PHACTR1: variants seen among roughly 807,000 people sequenced by gnomAD.
The protein encoded by PHACTR1 is phosphatase and actin regulator 1, also known as RPEL repeat containing 1.
PHACTR1 carries 16 observed loss-of-function variants against 69.2 expected under a neutral mutation model. The ratio of observed to expected loss-of-function variants is 0.23; its 90% CI spans 0.16 to 0.35. The LOEUF is 0.35. Ranked by LOEUF, PHACTR1 falls within the 10% of genes least tolerant of loss-of-function variation. The pLI is 1.00. For missense variants in PHACTR1, 510 were observed against 734.7 expected, an observed-to-expected ratio of 0.69 and a Z score of 3.54; for synonymous variants, 312 against 284.5, an observed-to-expected ratio of 1.10 and a Z score of -0.97.
chr6:12,855,505 G>A (rs1006785692), intron 4 of PHACTR1, among the ~76,000 whole-genome samples: 6 of 152,134 alleles, frequency 3.9e-5, no homozygotes, highest in East Asian at 3.8e-4. Context: ...ATACTGATGC[G>A]GTTGGAGGCC....
At chr6:13,181,101 G>A (rs1762121310) in intron 6 of PHACTR1, among the ~76,000 whole-genome samples, 1 of 151,344 alleles carries the variant, frequency 6.6e-6, no homozygotes, top group Non-Finnish European at 1.5e-5. Context: ...AGAAGATTCA[G>A]GTCAAACACC....
chr6:13,019,069 TATATA>T (rs1561698250), intron 4 of PHACTR1, among the ~76,000 whole-genome samples: 9 of 127,536 alleles, frequency 7.1e-5, no homozygotes, highest in Non-Finnish European at 6.9e-5. Flanking sequence ...TATATATATA[TATATA>T]TTTTTTCTTT....
chr6:12,827,449 C>G (rs1776926865), intron 4 of PHACTR1, among the ~76,000 whole-genome samples: 1 of 152,186 alleles, frequency 6.6e-6, no homozygotes, highest in Non-Finnish European at 1.5e-5. Context: ...GCCATTCATT[C>G]TAACTTAAGT....
chr6:13,068,315 T>C (rs535516046), intron 5 of PHACTR1, among the ~76,000 whole-genome samples: 1 of 152,232 alleles, frequency 6.6e-6, no homozygotes, highest in South Asian at 2.1e-4. Context: ...AGACTCCACC[T>C]CAAAAACAAA....
chr6:13,071,769 C>T (rs892655610), intron 5 of PHACTR1, among the ~76,000 whole-genome samples: 4 of 152,158 alleles, frequency 2.6e-5, no homozygotes, highest in African/African-American at 9.7e-5. Context: ...GGTTTACCTT[C>T]TCTGAAAACC....
intron 5 of PHACTR1, among the ~76,000 whole-genome samples, chr6:13,088,081 G>A (rs1010597314): frequency 1.3e-5 from 2 of 152,044 alleles, no homozygotes; most frequent in African/African-American, 4.8e-5. Context: ...ATTTAACATA[G>A]TTCTTGAGGT....
intron 4 of PHACTR1, among the ~76,000 whole-genome samples, chr6:12,907,498 C>T (rs1403660039): frequency 6.6e-6 from 1 of 152,206 alleles, no homozygotes; most frequent in Admixed American, 6.5e-5. Context: ...CAAGGTAGAA[C>T]TACTTGTGGA....
chr6:13,169,244 G>A (rs79394879), intron 6 of PHACTR1, among the ~76,000 whole-genome samples: 3,372 of 152,208 alleles, frequency 0.022, 119 homozygotes, highest in African/African-American at 0.073. Flanking sequence ...CTGGGATCCC[G>A]AGAGAAGTGA....
At position 12,742,306 on chromosome 6, in the gene PHACTR1, T is replaced by C. The variant is rs369042470; in HGVS notation, c.104-7338T>C. On this transcript the variant is annotated intron_variant, in intron 3 of 14. Transcript: ENST00000332995. ...AGGGTTCCTCCCCCTTTTTAGACCA[T>C]ATAGGGTGACTTCTGGATGTTGGTA... is the stretch of plus-strand genomic sequence containing the variant. Among the ~76,000 whole-genome samples the C allele has an allele frequency of 5.9e-5, 9 of 152,258 alleles. No individual in the cohort carries two copies. In the East Asian group the frequency reaches 1.5e-3, roughly 26 times the overall value.
intron 4 of PHACTR1, among the ~76,000 whole-genome samples, chr6:12,847,452 C>CTTAA (rs995002500): frequency 6.6e-6 from 1 of 152,122 alleles, no homozygotes; most frequent in African/African-American, 2.4e-5. Flanking sequence ...GCTCATTTAT[C>CTTAA]TTAAGCACAG....
At chr6:13,027,434 C>A (rs945110595) in intron 4 of PHACTR1, among the ~76,000 whole-genome samples, 1 of 152,116 alleles carries the variant, frequency 6.6e-6, no homozygotes, top group Admixed American at 6.5e-5. Flanking sequence ...GGCTAGTCCT[C>A]GGGTCCATGT....
At chr6:12,796,523 T>A (rs1773022039) in intron 4 of PHACTR1, among the ~76,000 whole-genome samples, 1 of 152,270 alleles carries the variant, frequency 6.6e-6, no homozygotes, top group African/African-American at 2.4e-5. Flanking sequence ...CTTGATTTTT[T>A]GACTTGTGGT....
intron 4 of PHACTR1, among the ~76,000 whole-genome samples, chr6:12,827,395 G>A (rs975054328): frequency 2.6e-5 from 4 of 152,172 alleles, no homozygotes; most frequent in Admixed American, 1.3e-4. Context: ...CAAAGATTTT[G>A]TAGACCTCTT....
At chr6:13,011,455 A>G (rs1582953137) in intron 4 of PHACTR1, among the ~76,000 whole-genome samples, 1 of 152,126 alleles carries the variant, frequency 6.6e-6, no homozygotes. Context: ...CCTTTTATAC[A>G]CTTAACTTGA....
intron 4 of PHACTR1, among the ~76,000 whole-genome samples, chr6:12,945,097 G>A (rs527523848): frequency 1.3e-5 from 2 of 152,178 alleles, no homozygotes; most frequent in African/African-American, 2.4e-5. Context: ...CCTCAGACAT[G>A]CCATGCTCTC....
At chr6:13,273,842 A>T (rs1484092285) in intron 11 of PHACTR1, 1 of 152,230 alleles carries the variant, frequency 6.6e-6, no homozygotes, top group Non-Finnish European at 1.5e-5. Context: ...AGAAAGATAT[A>T]TACTATGCAG....
chr6:13,210,909 TTC>T (rs1234531047), intron 8 of PHACTR1, among the ~76,000 whole-genome samples: 239 of 126,146 alleles, frequency 1.9e-3, no homozygotes, highest in Non-Finnish European at 3.3e-3. Context: ...GGTTTATCAT[TTC>T]TTTTTTTTTT....
At chr6:12,971,962 T>C (rs576731253) in intron 4 of PHACTR1, among the ~76,000 whole-genome samples, 24 of 152,206 alleles carry the variant, frequency 1.6e-4, no homozygotes, top group Middle Eastern at 3.4e-3. Context: ...AAGGTTGGGG[T>C]GAGAGGAAGA....
chr6:13,006,450 T>C (rs571091546), intron 4 of PHACTR1, among the ~76,000 whole-genome samples: 8 of 152,318 alleles, frequency 5.3e-5, no homozygotes, highest in African/African-American at 1.7e-4. Flanking sequence ...CAAATGCTAA[T>C]TGTGTGACCT....
Sources: gnomAD v4.1 joint callset for allele counts (sites outside exome capture counted in the v4.1 genomes callset) on GRCh38, gnomAD v4.1.1 for gene constraint, MANE v1.5 for transcripts, NCBI Gene and HGNC (gene_info 2026-07-23, HGNC 2026-07-21) for gene names.